The following LRP3 variants were observed in gnomAD, a reference collection of about 807,000 sequenced individuals.
LRP3 encodes the protein low-density lipoprotein receptor-related protein 3.
In LRP3, 49 loss-of-function variants were observed where a neutral mutation model predicts 58.5. That is an observed-to-expected ratio of 0.84 (90% CI 0.67 to 1.06). The LOEUF (loss-of-function observed/expected upper bound fraction) is 1.06. LRP3 is among the 50% of genes least tolerant of loss of function. The pLI is 0.00. For synonymous variants in LRP3, 485 were observed against 492.2 expected, an observed-to-expected ratio of 0.99 and a Z score of 0.20; for missense variants, 1,019 against 1,134.2, an observed-to-expected ratio of 0.90 and a Z score of 1.46.
At position 33,207,643 on chromosome 19, in the gene LRP3, C is replaced by G; in HGVS notation, c.*68C>G. The G allele has an allele frequency of 2.4e-6, 3 of 1,249,474 alleles. No individual in the cohort carries two copies. The highest frequency in any genetic ancestry group is 3.7e-5 in the Admixed American group (2 of 54,664). The allele number at this position is 1,249,474 out of a possible 1,614,324, so 77.4% of individuals were successfully genotyped here. On this transcript the variant is annotated 3_prime_UTR_variant, in exon 7 of 7. Coordinates refer to ENST00000253193, the MANE Select transcript of LRP3 (RefSeq NM_002333.4). ...CAGGGAATACACAGTCATTTCTACCCTGCCTCTGCGTCCTTTCTTATGGAG... is the reference window on the plus strand; with the variant it reads ...CAGGGAATACACAGTCATTTCTACCGTGCCTCTGCGTCCTTTCTTATGGAG...
At position 33,206,633 on chromosome 19, in the gene LRP3, C is replaced by T. The variant is rs767133900; in HGVS notation, c.1625C>T (p.Ala542Val). The T allele has an allele frequency of 4.4e-5, 70 of 1,605,870 alleles. No individual in the cohort carries two copies. The highest frequency in any genetic ancestry group is 4.6e-5 in the Non-Finnish European group (54 of 1,175,940). The change falls in exon 6 of 7, where the codon GCT (alanine) becomes GTT (valine). Residue 542 changes from alanine to valine, a missense_variant. Transcript: ENST00000253193. ...GAGACCCAGATGACGCGCCTGGAGGCTGAGTTCGTGCGGCGGGAGGCACCC... is the reference window on the plus strand; with the variant it reads ...GAGACCCAGATGACGCGCCTGGAGGTTGAGTTCGTGCGGCGGGAGGCACCC... ...AFETQMTRLE[A>V]EFVRREAPPS...
intron 1 of LRP3, among the ~76,000 whole-genome samples, chr19:33,195,365 CCAGG>C (rs1303531706): frequency 6.6e-6 from 1 of 152,174 alleles, no homozygotes; most frequent in Non-Finnish European, 1.5e-5. Flanking sequence ...CTCTCAGCCC[CCAGG>C]CAGGCCTGTT....
chr19:33,198,990 C>T (rs1182936078), intron 2 of LRP3, among the ~76,000 whole-genome samples: 1 of 152,168 alleles, frequency 6.6e-6, no homozygotes, highest in Non-Finnish European at 1.5e-5. Context: ...GACACTGGCC[C>T]GAAAGTACCT....
In LRP3 at chr19:33,207,325, T is replaced by C; in HGVS notation, c.2063T>C (p.Leu688Pro). 6.3e-7 allele frequency: 1 copy of C among 1,576,462 alleles called. No individual in the cohort carries two copies. The highest frequency in any genetic ancestry group is 8.6e-7 in the Non-Finnish European group (1 of 1,168,340). Residue 688 changes from leucine to proline, a missense_variant, in exon 7 of 7, where the codon CTG (leucine) becomes CCG (proline). Around this residue, in one of 2 missense-constraint regions of LRP3, gnomAD observed 427 missense variants for 408.6 expected, o/e 1.04. Coordinates refer to ENST00000253193, the MANE Select transcript of LRP3 (RefSeq NM_002333.4). ...GPSGPPLPSG[L>P]RDPECRPVDK... ...TCAGGGCCACCCTTGCCCTCGGGCCTGCGAGACCCAGAGTGCAGGCCCGTG... is the reference window on the plus strand; with the variant it reads ...TCAGGGCCACCCTTGCCCTCGGGCCCGCGAGACCCAGAGTGCAGGCCCGTG...
At position 33,206,583 on chromosome 19, in the gene LRP3, T is replaced by A; in HGVS notation, c.1593-18T>A. ...CCCGGGCAGCCCAGTCATGTCGCCCTCCGCCCACTGCTTCTAGGGCCTTCG... is the reference window on the plus strand; with the variant it reads ...CCCGGGCAGCCCAGTCATGTCGCCCACCGCCCACTGCTTCTAGGGCCTTCG... On this transcript the variant is annotated intron_variant, in intron 5 of 6. Transcript: ENST00000253193. The A allele has an allele frequency of 1.2e-6, 2 of 1,604,474 alleles. No homozygotes were observed. Among genetic ancestry groups the A allele is most frequent in the Non-Finnish European group, 1.7e-6 (2 of 1,174,988 alleles).
Position 33,205,721 on chromosome 19 carries a change from C to T in LRP3, c.951C>T (p.Arg317=), listed in dbSNP as rs137981177. ...YVQVYEGLGE[R]GDRLLQTLSY... is the part of the protein sequence containing the mutation. ...AGGTATACGAGGGCCTGGGCGAGCG[C>T]GGGGACCGCCTGCTGCAGACGCTGT... The change falls in exon 5 of 7, where the codon CGC becomes CGT. Residue 317 remains arginine (R), a synonymous_variant. Transcript: ENST00000253193. 1,598 of 1,600,760 alleles carry T rather than the reference C, an allele frequency of 1.0e-3. 2 individuals are homozygous for T. Among genetic ancestry groups the T allele is most frequent in the Non-Finnish European group, 1.3e-3 (1,511 of 1,177,854 alleles).
At chr19:33,196,631 C>A (rs772987007) in intron 1 of LRP3, 99 bp from the exon 2 acceptor site, 2 of 1,096,410 alleles carry the variant, frequency 1.8e-6, no homozygotes, top group Non-Finnish European at 2.8e-6. Flanking sequence ...AGGGGACCAG[C>A]GGGCCAGCCT....
chr19:33,207,070 GC>G lies in LRP3; in HGVS notation c.1810del (p.Leu604SerfsTer22). On this transcript the variant is annotated frameshift_variant, in exon 7 of 7. Transcript: ENST00000253193. LOFTEE classifies it low-confidence loss of function (END_TRUNC). Reference protein sequence around the residue: ...HASRRGPSRRRLGRLWNRLFH... With the variant: ...HASRRGPSRRXLGRLWNRLFH... ...TCCCGCCGGGGGCCCTCCCGCCGCCGCCTCGGCCGCCTCTGGAACCGGCTCT... is the reference window on the plus strand; with the variant it reads ...TCCCGCCGGGGGCCCTCCCGCCGCCGCTCGGCCGCCTCTGGAACCGGCTCT... The G allele has an allele frequency of 1.3e-6, 2 of 1,494,558 alleles. No individual in the cohort carries two copies. The highest frequency in any genetic ancestry group is 1.8e-6 in the Non-Finnish European group (2 of 1,128,010). 92.6% of individuals were successfully genotyped at this position (1,494,558 alleles called of 1,614,324 possible).
At chr19:33,206,821 G>A in intron 6 of LRP3, 88 bp downstream of exon 6, 1 of 1,394,370 alleles carries the variant, frequency 7.2e-7, no homozygotes. Context: ...GGAGCAGGAG[G>A]CAAGGCCTGC....
Position 33,208,583 on chromosome 19 carries a change from G to C in LRP3, c.*1008G>C, listed in dbSNP as rs1974457981. 2 of 440,366 alleles carry C rather than the reference G, an allele frequency of 4.5e-6. No homozygotes were observed. Among genetic ancestry groups the C allele is most frequent in the African/African-American group, 4.0e-5 (2 of 49,996 alleles). The allele number at this position is 440,366 out of a possible 1,614,324, so 27.3% of individuals were successfully genotyped here. A position where few individuals can be genotyped will look rare whatever the true frequency, so the allele number is the denominator to read the frequency against. On this transcript the variant is annotated 3_prime_UTR_variant, in exon 7 of 7. Coordinates refer to ENST00000253193, the MANE Select transcript of LRP3 (RefSeq NM_002333.4). This position sits in a 1 kb window ranked among gnomAD's most constrained non-coding sequence, Gnocchi z 4.7. ...CAGGGCCTGCCACGGCATCTTCCTG[G>C]CCAGCAACATGTGTGCACCCACCGA...
At chr19:33,200,537 G>A (rs1350292992) in intron 2 of LRP3, among the ~76,000 whole-genome samples, 1 of 152,120 alleles carries the variant, frequency 6.6e-6, no homozygotes. Context: ...GGTCTCTTTT[G>A]GATTTCTTCA....
Position 33,205,359 on chromosome 19 carries a change from G to C in LRP3, c.589G>C (p.Glu197Gln). 6.2e-7 allele frequency: 1 copy of C among 1,605,922 alleles called. No individual in the cohort carries two copies. Among genetic ancestry groups the C allele is most frequent in the Non-Finnish European group, 8.5e-7 (1 of 1,175,162 alleles). ...TVDECGDGSD[E>Q]GNCSAPASEP... is the part of the protein sequence containing the mutation. ...GGACGAGTGTGGAGACGGCTCTGAT[G>C]AGGGCAACTGCTCGGCGCCCGCCTC... Residue 197 changes from glutamate (E) to glutamine (Q), a missense_variant, in exon 5 of 7, where the codon GAG (glutamate) becomes CAG (glutamine). By Grantham distance (29) the Glu-to-Gln change is conservative. This residue lies in a region of LRP3 where 592 missense variants were observed against 725.5 expected (regional missense o/e 0.82). Coordinates refer to ENST00000253193, the MANE Select transcript of LRP3 (RefSeq NM_002333.4).
chr19:33,203,448 A>C (rs1037639117), intron 3 of LRP3, among the ~76,000 whole-genome samples: 2 of 152,250 alleles, frequency 1.3e-5, no homozygotes, highest in Non-Finnish European at 2.9e-5. Flanking sequence ...TGCACGAGCC[A>C]TGCCTGCAAA....
Position 33,207,575 on chromosome 19 carries a change from A to T in LRP3, c.2313A>T (p.Ter771CysextTer44). ...ASDDEALLVC[*>C] ...ATGATGAGGCCCTGTTGGTCTGTTG[A>T]CCGCTGGGCTCGCTGGTGACCGCCA... Residue 771 changes from the stop codon to cysteine (C), a stop_lost, in exon 7 of 7, where the codon TGA becomes TGT. Coordinates refer to ENST00000253193, the MANE Select transcript of LRP3 (RefSeq NM_002333.4). The T allele has an allele frequency of 6.3e-7, 1 of 1,597,980 alleles. No individual in the cohort carries two copies. The highest frequency in any genetic ancestry group is 8.5e-7 in the Non-Finnish European group (1 of 1,175,448).
rs1974401087 is a variant in LRP3, at chr19:33,205,880, C to T, written c.1110C>T (p.Pro370=). ...ATYQVKGYCL[P]WEQPCGSSSD... is the part of the protein sequence containing the mutation. ...ACCAGGTGAAGGGCTATTGCCTCCCCTGGGAGCAGCCGTGCGGGAGCAGTA... is the reference window on the plus strand; with the variant it reads ...ACCAGGTGAAGGGCTATTGCCTCCCTTGGGAGCAGCCGTGCGGGAGCAGTA... Residue 370 remains proline, a synonymous_variant, in exon 5 of 7, where the codon CCC becomes CCT. Transcript: ENST00000253193. The T allele has an allele frequency of 3.1e-6, 5 of 1,606,872 alleles. No homozygotes were observed. The highest frequency in any genetic ancestry group is 1.3e-5 in the African/African-American group (1 of 74,834).
rs1974416853 is a variant in LRP3, at chr19:33,206,720, A to G, written c.1712A>G (p.Tyr571Cys). 7 of 1,528,230 alleles carry G rather than the reference A, an allele frequency of 4.6e-6. No individual in the cohort carries two copies. Among genetic ancestry groups the G allele is most frequent in the Non-Finnish European group, 6.1e-6 (7 of 1,138,322 alleles). The allele number at this position is 1,528,230 out of a possible 1,614,324, so 94.7% of individuals were successfully genotyped here. The change falls in exon 6 of 7, where the codon TAC (tyrosine) becomes TGC (cysteine). Residue 571 changes from tyrosine to cysteine, a missense_variant. Physicochemically the swap from Tyr to Cys is radical, Grantham distance 194 (BLOSUM62 -2). Coordinates refer to ENST00000253193, the MANE Select transcript of LRP3 (RefSeq NM_002333.4). ...LIPPVEDFPV[Y>C]SASQASVLQN... ...CCACCCGTGGAGGACTTTCCTGTCTACAGTGCGTCCCAGGTGAGCCCCCGG... is the reference window on the plus strand; with the variant it reads ...CCACCCGTGGAGGACTTTCCTGTCTGCAGTGCGTCCCAGGTGAGCCCCCGG...
chr19:33,204,633 C>T lies in LRP3; in HGVS notation c.261-5C>T, dbSNP rs199984853. ...CATGTCTGGGTCCTCTCCGCCCCCCCGCAGCTTCCGCAACTTTGACGTGGA... is the reference window on the plus strand; with the variant it reads ...CATGTCTGGGTCCTCTCCGCCCCCCTGCAGCTTCCGCAACTTTGACGTGGA... On this transcript the variant is annotated splice_region_variant and splice_polypyrimidine_tract_variant and intron_variant, in intron 3 of 6. Coordinates refer to ENST00000253193, the MANE Select transcript of LRP3 (RefSeq NM_002333.4). 5.1e-5 allele frequency: 81 copies of T among 1,600,494 alleles called. No individual in the cohort carries two copies. In the Middle Eastern group the frequency reaches 6.7e-4, roughly 13 times the overall value.
chr19:33,205,854 T>A lies in LRP3; in HGVS notation c.1084T>A (p.Tyr362Asn). ...CGCCGGCCACGGCTTCAATGCCACC[T>A]ACCAGGTGAAGGGCTATTGCCTCCC... Reference protein sequence around the residue: ...RSAGHGFNATYQVKGYCLPWE... With the variant: ...RSAGHGFNATNQVKGYCLPWE... The change falls in exon 5 of 7, where the codon TAC becomes AAC. Residue 362 changes from tyrosine to asparagine, a missense_variant. Physicochemically the swap from Tyr to Asn is moderately radical, Grantham distance 143. Coordinates refer to ENST00000253193, the MANE Select transcript of LRP3 (RefSeq NM_002333.4). The A allele has an allele frequency of 6.3e-7, 1 of 1,599,100 alleles. No homozygotes were observed. Among genetic ancestry groups the A allele is most frequent in the Non-Finnish European group, 8.5e-7 (1 of 1,172,572 alleles).
At position 33,204,642 on chromosome 19, in the gene LRP3, C is replaced by T. The variant is rs781767694; in HGVS notation, c.265C>T (p.Arg89Cys). The T allele has an allele frequency of 1.4e-5, 23 of 1,603,848 alleles. No homozygotes were observed. Among genetic ancestry groups the T allele is most frequent in the African/African-American group, 2.7e-5 (2 of 74,854 alleles). ...DRGDMITISFRNFDVEESHQC... is the reference protein window; with the variant it reads ...DRGDMITISFCNFDVEESHQC... ...GTCCTCTCCGCCCCCCCGCAGCTTC[C>T]GCAACTTTGACGTGGAGGAGTCCCA... Residue 89 changes from arginine to cysteine, a missense_variant, in exon 4 of 7, where the codon CGC becomes TGC. Arg to Cys is a radical substitution (Grantham distance 180). Coordinates refer to ENST00000253193, the MANE Select transcript of LRP3 (RefSeq NM_002333.4).
Sources: gnomAD v4.1 joint callset for allele counts (sites outside exome capture counted in the v4.1 genomes callset) on GRCh38, gnomAD v4.1.1 for gene constraint, gnomAD v4.1.1 regional missense constraint, Gnocchi (gnomAD v3.1) non-coding constraint, MANE v1.5 for transcripts, NCBI Gene and HGNC (gene_info 2026-07-23, HGNC 2026-07-21) for gene names.